FN1: variants seen among roughly 807,000 people sequenced by gnomAD.
FN1 encodes fibronectin 1, also known as fibronectin.
FN1 carries 106 observed loss-of-function variants against 297.3 expected under a neutral mutation model. The ratio of observed to expected loss-of-function variants is 0.36; its 90% CI spans 0.30 to 0.42. FN1 has a LOEUF of 0.42. Ranked by LOEUF, FN1 falls within the 10% of genes least tolerant of loss-of-function variation. The pLI, the probability that FN1 is intolerant of heterozygous loss-of-function variation, is 1.00. For missense variants in FN1, 2,690 were observed against 3,124.9 expected, an observed-to-expected ratio of 0.86 and a Z score of 3.32; for synonymous variants, 1,149 against 1,152.6, an observed-to-expected ratio of 1.00 and a Z score of 0.06.
At position 215,373,313 on chromosome 2, in the gene FN1, T is replaced by C; in HGVS notation, c.6247+9A>G. ...ATCTTTCTCCTTGTTACCTGCAAGATACTCTTACCTGTCTTTTTCCTTCCA... is the reference window on the plus strand; with the variant it reads ...ATCTTTCTCCTTGTTACCTGCAAGACACTCTTACCTGTCTTTTTCCTTCCA... On this transcript the variant is annotated intron_variant, in intron 39 of 45. Coordinates refer to ENST00000354785, the MANE Select transcript of FN1 (RefSeq NM_212482.4). 1.9e-6 allele frequency: 3 copies of C among 1,606,366 alleles called. No homozygotes were observed. Among genetic ancestry groups the C allele is most frequent in the Non-Finnish European group, 2.6e-6 (3 of 1,173,138 alleles).
intron 20 of FN1, among the ~76,000 whole-genome samples, chr2:215,402,147 A>T (rs2061248038): frequency 6.6e-6 from 1 of 152,158 alleles, no homozygotes; most frequent in African/African-American, 2.4e-5. Flanking sequence ...TTTACAAATT[A>T]TATTCGCCTC....
At chr2:215,414,615 C>A in intron 13 of FN1, 5 of 1,119,902 alleles carry the variant, frequency 4.5e-6, no homozygotes, top group Non-Finnish European at 5.9e-6. Flanking sequence ...AATACCAGCC[C>A]CCCCACCGCA....
Position 215,407,294 on chromosome 2 carries a change from A to C in FN1, c.2546T>G (p.Val849Gly). 1 of 1,614,182 alleles carries C rather than the reference A, an allele frequency of 6.2e-7. No individual in the cohort carries two copies. The highest frequency in any genetic ancestry group is 8.5e-7 in the Non-Finnish European group (1 of 1,180,002). ...TGYRIVYSPS[V>G]EGSSTELNLP... ...GTTGAGTTCTGTGCTGCTACCTTCT[A>C]CTGATGGCGAATAGACTATTCTGTA... Residue 849 changes from valine to glycine, a missense_variant, in exon 18 of 46, where the codon GTA becomes GGA. Val to Gly is a moderately radical substitution (Grantham distance 109). Around this residue, in one of 3 missense-constraint regions of FN1, gnomAD observed 71 missense variants for 121.7 expected, o/e 0.58. Coordinates refer to ENST00000354785, the MANE Select transcript of FN1 (RefSeq NM_212482.4).
Position 215,406,250 on chromosome 2 carries a change from G to T in FN1, c.2974C>A (p.Gln992Lys). The change falls in exon 19 of 46, where the codon CAA (glutamine) becomes AAA (lysine). Residue 992 changes from glutamine to lysine, a missense_variant. By Grantham distance (53) the Gln-to-Lys change is moderately conservative. Transcript: ENST00000354785. ...HGRESKPLTAQQTTKLDAPTN... is the reference protein window; with the variant it reads ...HGRESKPLTAKQTTKLDAPTN... The stretch of plus-strand genomic sequence containing the variant: ...GGAGAAGACATACTGGTTGTCTGTT[G>T]AGCAGTCAGAGGCTTGCTCTCCCTC... 6.2e-7 allele frequency: 1 copy of T among 1,614,120 alleles called. No homozygotes were observed. The highest frequency in any genetic ancestry group is 1.1e-5 in the South Asian group (1 of 91,072).
chr2:215,426,170 A>T (rs1342244869), intron 6 of FN1, among the ~76,000 whole-genome samples: 1 of 107,916 alleles, frequency 9.3e-6, no homozygotes, highest in East Asian at 3.7e-4. Flanking sequence ...TTTTTTTGAG[A>T]CGGAGTCTCA....
rs1051459569 is a variant in FN1, at chr2:215,383,354, G to A, written c.5024C>T (p.Pro1675Leu). 6.2e-7 allele frequency: 1 copy of A among 1,614,032 alleles called. No individual in the cohort carries two copies. Among genetic ancestry groups the A allele is most frequent in the Admixed American group, 1.7e-5 (1 of 59,998 alleles). The part of the protein sequence containing the change: ...VTTTPKNGPG[P>L]TKTKTAGPDQ... ...TGGACCTGCAGTTTTAGTTTTTGTTGGTCCTGGTCCATTTTTGGGAGTGGT... is the reference window on the plus strand; with the variant it reads ...TGGACCTGCAGTTTTAGTTTTTGTTAGTCCTGGTCCATTTTTGGGAGTGGT... Residue 1675 changes from proline to leucine, a missense_variant, in exon 31 of 46, where the codon CCA becomes CTA. This residue lies in a region of FN1 where 1,743 missense variants were observed against 1,945.2 expected (regional missense o/e 0.90). Transcript: ENST00000354785.
chr2:215,433,489 GC>G, intron 2 of FN1, 28 bp from the exon 3 acceptor site: 1 of 1,607,522 alleles, frequency 6.2e-7, no homozygotes, highest in Non-Finnish European at 8.5e-7. Flanking sequence ...GTCCATGTGA[GC>G]CTCACTTAGG....
intron 20 of FN1, among the ~76,000 whole-genome samples, chr2:215,401,095 C>CA (rs201488353): frequency 9.4e-4 from 121 of 128,500 alleles, no homozygotes; most frequent in African/African-American, 2.0e-3. Flanking sequence ...CACACCTGGC[C>CA]AAAAAAAAAA....
chr2:215,384,235 G>A lies in FN1; in HGVS notation c.4730-51C>T, dbSNP rs1243478413. 3 of 1,547,912 alleles carry A rather than the reference G, an allele frequency of 1.9e-6. No homozygotes were observed. The Admixed American group carries it at 5.0e-5, about 26-fold the overall frequency. ...GTGTGAGGGGTTTAGAGCTACTTGGGTATTACTGATTAATTGAATTACCAC... is the reference window on the plus strand; with the variant it reads ...GTGTGAGGGGTTTAGAGCTACTTGGATATTACTGATTAATTGAATTACCAC... On this transcript the variant is annotated intron_variant, in intron 29 of 45. Transcript: ENST00000354785.
At chr2:215,387,046 C>T (rs945821305) in intron 27 of FN1, 88 bp from the exon 28 acceptor site, 7 of 1,209,644 alleles carry the variant, frequency 5.8e-6, no homozygotes, top group African/African-American at 3.1e-5. Flanking sequence ...GGGAAATTAA[C>T]GTACATCCAA....
chr2:215,429,131 G>GA (rs1381601284), intron 5 of FN1, among the ~76,000 whole-genome samples: 12 of 151,286 alleles, frequency 7.9e-5, no homozygotes. Context: ...GAAGCTATAA[G>GA]AAGGTGGTAG....
chr2:215,397,918 A>G (rs1420830277), intron 21 of FN1, 70 bp from the exon 22 acceptor site: 2 of 1,338,562 alleles, frequency 1.5e-6, no homozygotes. Flanking sequence ...CTGTGAGGCT[A>G]TGATTATGCT....
At chr2:215,378,328 C>T (rs755588307) in intron 34 of FN1, 66 bp from the exon 35 acceptor site, 127 of 830,692 alleles carry the variant, frequency 1.5e-4, no homozygotes, top group Non-Finnish European at 2.6e-4. Context: ...AGTTTCACTA[C>T]AGCATTAGGT....
Position 215,414,891 on chromosome 2 carries a change from CTGGA to C in FN1, c.1883_1886del (p.Ile628SerfsTer23). ...TGTGAGATGGCTGTGGTGCATTCCA[CTGGA>C]TGGGGTGGGAGTTGGGCTGACTCGG... On this transcript the variant is annotated frameshift_variant, in exon 13 of 46. Transcript: ENST00000354785. LOFTEE classifies it high-confidence loss of function. 2 of 1,613,786 alleles carry C rather than the reference CTGGA, an allele frequency of 1.2e-6. No individual in the cohort carries two copies.
In FN1 at chr2:215,428,167, T is replaced by C. The variant is rs759476361; in HGVS notation, c.844+13A>G. Reference sequence around the variant, plus strand: ...CTTCCCCATTTCCCGCCCCTGCTCGTCCTGTGCCTCACCGCTCGATGTGGT... The same window carrying C: ...CTTCCCCATTTCCCGCCCCTGCTCGCCCTGTGCCTCACCGCTCGATGTGGT... On this transcript the variant is annotated intron_variant, in intron 6 of 45. Transcript: ENST00000354785. 1.1e-5 allele frequency: 17 copies of C among 1,613,680 alleles called. No individual in the cohort carries two copies. The highest frequency in any genetic ancestry group is 9.3e-6 in the Non-Finnish European group (11 of 1,180,018).
In FN1 at chr2:215,404,465, T is replaced by G; in HGVS notation, c.3177A>C (p.Ala1059=). The G allele has an allele frequency of 1.9e-6, 3 of 1,614,156 alleles. No homozygotes were observed. In the South Asian group the frequency reaches 3.3e-5, roughly 18 times the overall value. The change falls in exon 20 of 46, where the codon GCA becomes GCC. Residue 1059 remains alanine (A), a synonymous_variant. Coordinates refer to ENST00000354785, the MANE Select transcript of FN1 (RefSeq NM_212482.4). ...SKYPLRNLQP[A]SEYTVSLVAI... ...CCACGAGGGATACGGTGTACTCAGA[T>G]GCAGGCTGCAGATTCCTCAGTGGGT...
intron 41 of FN1, among the ~76,000 whole-genome samples, chr2:215,370,089 T>C (rs1001797969): frequency 6.6e-6 from 1 of 152,184 alleles, no homozygotes; most frequent in African/African-American, 2.4e-5. Context: ...CAATTACGTA[T>C]GCATTTTGTG....
intron 1 of FN1, among the ~76,000 whole-genome samples, chr2:215,435,147 A>G (rs915082993): frequency 1.3e-5 from 2 of 152,116 alleles, no homozygotes; most frequent in Admixed American, 1.3e-4. Context: ...AAGAATTCCA[A>G]CCTCTGTTCT....
At position 215,435,942 on chromosome 2, in the gene FN1, G is replaced by T; in HGVS notation, c.-140C>A. 4.9e-6 allele frequency: 7 copies of T among 1,440,618 alleles called. No homozygotes were observed. The highest frequency in any genetic ancestry group is 6.4e-6 in the Non-Finnish European group (7 of 1,098,676). 89.2% of individuals were successfully genotyped at this position (1,440,618 alleles called of 1,614,324 possible). A position where few individuals can be genotyped will look rare whatever the true frequency, so the allele number is the denominator to read the frequency against. On this transcript the variant is annotated 5_prime_UTR_variant, in exon 1 of 46. Coordinates refer to ENST00000354785, the MANE Select transcript of FN1 (RefSeq NM_212482.4). The stretch of plus-strand genomic sequence containing the variant: ...CCAAGAAGGTGGGGGCCAGAGGGTG[G>T]GGAAGGGGACGGGTGGAGGGACAGA...
Sources: gnomAD v4.1 joint callset for allele counts (sites outside exome capture counted in the v4.1 genomes callset) on GRCh38, gnomAD v4.1.1 for gene constraint, gnomAD v4.1.1 regional missense constraint, MANE v1.5 for transcripts, NCBI Gene and HGNC (gene_info 2026-07-23, HGNC 2026-07-21) for gene names.